Variants in SCARB1 observed in about 807,000 individuals in gnomAD.
SCARB1 encodes the protein CD36 and LIMPII analogous 1.
A neutral mutation model predicts 57.2 loss-of-function variants in SCARB1; 30 were observed. That is an observed-to-expected ratio of 0.52 (90% CI 0.39 to 0.71). SCARB1 has a LOEUF of 0.71. Among genes scored for constraint, SCARB1 ranks in the 30% least tolerant of loss-of-function variants. The pLI is 0.00. For missense variants in SCARB1, 543 were observed against 671.2 expected (o/e 0.81, Z 2.11); for synonymous variants, 249 against 268.3 (o/e 0.93, Z 0.70).
chr12:124,807,907 T>C lies in SCARB1; in HGVS notation c.863A>G (p.Lys288Arg). 1 of 1,614,112 alleles carries C rather than the reference T, an allele frequency of 6.2e-7. No individual in the cohort carries two copies. Among genetic ancestry groups the C allele is most frequent in the Non-Finnish European group, 8.5e-7 (1 of 1,180,010 alleles). Residue 288 changes from lysine to arginine, a missense_variant, in exon 7 of 13, where the codon AAG (lysine) becomes AGG (arginine). Coordinates refer to ENST00000261693, the MANE Select transcript of SCARB1 (RefSeq NM_005505.5). This position sits in a 1 kb window ranked among gnomAD's most constrained non-coding sequence, Gnocchi z 5.3. ...EACRSMKLMY[K>R]ESGVFEGIPT... is the part of the protein sequence containing the mutation. ...GATGCCTTCAAACACCCCTGACTCCTTGTACATTAGCTTCATGGATCTGCA... is the reference window on the plus strand; with the variant it reads ...GATGCCTTCAAACACCCCTGACTCCCTGTACATTAGCTTCATGGATCTGCA...
chr12:124,786,067 T>G, intron 11 of SCARB1: 1 of 1,520,766 alleles, frequency 6.6e-7, no homozygotes, highest in Non-Finnish European at 8.8e-7. Flanking sequence ...ACTTGATGAA[T>G]GGATGATGCA....
In SCARB1 at chr12:124,814,333, C is replaced by G. The variant is rs199588922; in HGVS notation, c.499G>C (p.Gly167Arg). 3.1e-6 allele frequency: 5 copies of G among 1,614,026 alleles called. No homozygotes were observed. In the South Asian group the frequency reaches 4.4e-5, roughly 14 times the overall value. ...LIMTLAFTTL[G>R]ERAFMNRTVG... is the part of the protein sequence containing the mutation. ...GTGCGGTTCATGAAGGCACGTTCGC[C>G]GAGGGTGGTGAATGCCAAGGTCATG... is the stretch of plus-strand genomic sequence containing the variant. The change falls in exon 4 of 13, where the codon GGC becomes CGC. Residue 167 changes from glycine (G) to arginine (R), a missense_variant. Coordinates refer to ENST00000261693, the MANE Select transcript of SCARB1 (RefSeq NM_005505.5). The surrounding 1 kb of genome is among the most constrained non-coding windows in gnomAD (Gnocchi z 4.7).
At position 124,810,761 on chromosome 12, in the gene SCARB1, C is replaced by T. The variant is rs773009346; in HGVS notation, c.727-472G>A. ...GACTCTGGGGAGCGAGACCCAGACTCGACAAAACCAACTGCTCACTTTCCA... is the reference window on the plus strand; with the variant it reads ...GACTCTGGGGAGCGAGACCCAGACTTGACAAAACCAACTGCTCACTTTCCA... On this transcript the variant is annotated intron_variant, in intron 5 of 12. Coordinates refer to ENST00000261693, the MANE Select transcript of SCARB1 (RefSeq NM_005505.5). The surrounding 1 kb of genome is among the most constrained non-coding windows in gnomAD (Gnocchi z 4.0). Among the ~76,000 whole-genome samples the T allele has an allele frequency of 5.3e-5, 8 of 152,290 alleles. No individual in the cohort carries two copies. The highest frequency in any genetic ancestry group is 8.8e-5 in the Non-Finnish European group (6 of 68,024).
rs1309538346 is a variant in SCARB1 at position 124,789,442 on chromosome 12, G to T, written c.1203-1985C>A. Among the ~76,000 whole-genome samples the T allele has an allele frequency of 6.6e-6, 1 of 152,182 alleles. No homozygotes were observed. The highest frequency in any genetic ancestry group is 2.4e-5 in the African/African-American group (1 of 41,440). ...ACCAATGCGACACCTGGGAAACTGTGACCTGCCACGACGAAGGGGACCGTG... is the reference window on the plus strand; with the variant it reads ...ACCAATGCGACACCTGGGAAACTGTTACCTGCCACGACGAAGGGGACCGTG... On this transcript the variant is annotated intron_variant, in intron 9 of 12. Coordinates refer to ENST00000261693, the MANE Select transcript of SCARB1 (RefSeq NM_005505.5). The surrounding 1 kb of genome is among the most constrained non-coding windows in gnomAD (Gnocchi z 4.4).
chr12:124,839,380 A>G (rs1383757406), intron 1 of SCARB1: 4 of 441,768 alleles, frequency 9.1e-6, no homozygotes, highest in Middle Eastern at 7.3e-4. Flanking sequence ...GCGTGCGTCC[A>G]AACGTCCTTC....
rs764191819 is a variant in SCARB1, at chr12:124,815,005, C to T, written c.394G>A (p.Asp132Asn). The T allele has an allele frequency of 3.7e-6, 6 of 1,614,166 alleles. No individual in the cohort carries two copies. Among genetic ancestry groups the T allele is most frequent in the Non-Finnish European group, 2.5e-6 (3 of 1,180,034 alleles). The change falls in exon 3 of 13, where the codon GAC (aspartate) becomes AAC (asparagine). Residue 132 changes from aspartate to asparagine, a missense_variant. Physicochemically the swap from Asp to Asn is conservative, Grantham distance 23 (BLOSUM62 1). Transcript: ENST00000261693. ...AGGATGTTGGGCATGACGATGTAGT[C>T]GCTCTCCGAGCCGTGGGACTTGGAG... The part of the protein sequence containing the change: ...QPSKSHGSES[D>N]YIVMPNILVL...
intron 7 of SCARB1, among the ~76,000 whole-genome samples, chr12:124,802,785 G>A (rs761655226): frequency 2.0e-4 from 30 of 152,194 alleles, no homozygotes; most frequent in Non-Finnish European, 2.9e-4. Context: ...GAGGCAAGTC[G>A]GATGCCCTCA....
At chr12:124,821,236 TCACACACACA>T (rs60380028) in intron 1 of SCARB1, 4 of 192,760 alleles carry the variant, frequency 2.1e-5, no homozygotes, top group Non-Finnish European at 3.8e-5. Context: ...AGACTCCATC[TCACACACACA>T]CACACACACA....
intron 1 of SCARB1, chr12:124,821,476 A>C: frequency 1.0e-6 from 1 of 974,410 alleles, no homozygotes; most frequent in Non-Finnish European, 1.2e-6. Flanking sequence ...TCCATGTCTC[A>C]ATCTCTCTCT....
chr12:124,854,171 G>A (rs1188377078), intron 1 of SCARB1, among the ~76,000 whole-genome samples: 1 of 152,208 alleles, frequency 6.6e-6, no homozygotes, highest in African/African-American at 2.4e-5. Flanking sequence ...GGGGACAAGG[G>A]GGAACCTGCA....
intron 9 of SCARB1, among the ~76,000 whole-genome samples, chr12:124,788,530 G>A (rs1181954145): frequency 6.6e-6 from 1 of 152,204 alleles, no homozygotes; most frequent in African/African-American, 2.4e-5. Flanking sequence ...AGATGCAAGG[G>A]CTGGAGCTCT....
chr12:124,778,394 G>A lies in SCARB1; in HGVS notation c.*193C>T. Reference sequence around the variant, plus strand: ...GCTCCATCCCTGAGTGTCTGCACAAGCCTGCACGCATGTGTGTATGTGTGC... The same window carrying A: ...GCTCCATCCCTGAGTGTCTGCACAAACCTGCACGCATGTGTGTATGTGTGC... On this transcript the variant is annotated 3_prime_UTR_variant, in exon 13 of 13. Coordinates refer to ENST00000261693, the MANE Select transcript of SCARB1 (RefSeq NM_005505.5). 1 of 1,240,682 alleles carries A rather than the reference G, an allele frequency of 8.1e-7. No homozygotes were observed. The highest frequency in any genetic ancestry group is 1.0e-6 in the Non-Finnish European group (1 of 985,120). 76.9% of individuals were successfully genotyped at this position (1,240,682 alleles called of 1,614,324 possible). A position where few individuals can be genotyped will look rare whatever the true frequency, so the allele number is the denominator to read the frequency against.
chr12:124,778,379 T>C lies in SCARB1; in HGVS notation c.*208A>G. The C allele has an allele frequency of 8.4e-7, 1 of 1,194,996 alleles. No individual in the cohort carries two copies. Among genetic ancestry groups the C allele is most frequent in the African/African-American group, 1.6e-5 (1 of 63,548 alleles). The allele number at this position is 1,194,996 out of a possible 1,614,324, so 74.0% of individuals were successfully genotyped here. ...GTCCCTTCAGCAGCAGCTCCATCCCTGAGTGTCTGCACAAGCCTGCACGCA... is the reference window on the plus strand; with the variant it reads ...GTCCCTTCAGCAGCAGCTCCATCCCCGAGTGTCTGCACAAGCCTGCACGCA... On this transcript the variant is annotated 3_prime_UTR_variant, in exon 13 of 13. Coordinates refer to ENST00000261693, the MANE Select transcript of SCARB1 (RefSeq NM_005505.5).
intron 1 of SCARB1, among the ~76,000 whole-genome samples, chr12:124,834,591 C>T (rs547662215): frequency 1.3e-5 from 2 of 152,222 alleles, no homozygotes; most frequent in East Asian, 3.9e-4. Flanking sequence ...TTACTAGGTA[C>T]CTGTTCGGGC....
intron 1 of SCARB1, among the ~76,000 whole-genome samples, chr12:124,835,818 T>A (rs1951625877): frequency 6.6e-6 from 1 of 152,216 alleles, no homozygotes; most frequent in Non-Finnish European, 1.5e-5. Flanking sequence ...TTTGGGAACC[T>A]GGGTGATGTC....
At position 124,786,341 on chromosome 12, in the gene SCARB1, T is replaced by G; in HGVS notation, c.1401+16A>C. On this transcript the variant is annotated intron_variant, in intron 11 of 12. Transcript: ENST00000261693. The stretch of plus-strand genomic sequence containing the variant: ...GAATGGCTGTCAGCCCGGGCTGCCC[T>G]CTGGCCAGCACCTACTTGGCTCCGG... 6.2e-7 allele frequency: 1 copy of G among 1,613,248 alleles called. No homozygotes were observed. Among genetic ancestry groups the G allele is most frequent in the Non-Finnish European group, 8.5e-7 (1 of 1,180,010 alleles).
intron 11 of SCARB1, chr12:124,785,798 C>T: frequency 2.2e-6 from 1 of 454,984 alleles, no homozygotes; most frequent in Non-Finnish European, 3.9e-6. Flanking sequence ...CACCTGTTTC[C>T]TTTGACTGTT....
At chr12:124,857,161 G>A (rs1041469377) in intron 1 of SCARB1, among the ~76,000 whole-genome samples, 6 of 152,112 alleles carry the variant, frequency 3.9e-5, no homozygotes, top group Non-Finnish European at 4.4e-5. Context: ...CTGTGGAGTC[G>A]GCCCCCAGAC....
In SCARB1 at chr12:124,844,135, C is replaced by T. The variant is rs527618507; in HGVS notation, c.126+19460G>A. Among the ~76,000 whole-genome samples the T allele has an allele frequency of 5.3e-5, 8 of 152,226 alleles. No individual in the cohort carries two copies. In the East Asian group the frequency reaches 1.2e-3, roughly 22 times the overall value. The stretch of plus-strand genomic sequence containing the variant: ...GCAGGAGTCAGACATAACCAAGGTA[C>T]CCCCGTCGCTAAGGGAATAAATACA... On this transcript the variant is annotated intron_variant, in intron 1 of 12. Coordinates refer to ENST00000261693, the MANE Select transcript of SCARB1 (RefSeq NM_005505.5).
Sources: allele counts gnomAD v4.1 joint callset (sites outside exome capture counted in the v4.1 genomes callset), GRCh38; gene constraint gnomAD v4.1.1; non-coding constraint Gnocchi (gnomAD v3.1); transcripts MANE v1.5; gene names NCBI Gene and HGNC (gene_info 2026-07-23, HGNC 2026-07-21).